Variants in DSTN observed in about 807,000 individuals in gnomAD.
DSTN encodes destrin.
In DSTN, 10 loss-of-function variants were observed where a neutral mutation model predicts 16.8. The ratio of observed to expected loss-of-function variants is 0.60; its 90% CI spans 0.37 to 1.01. The LOEUF is 1.01. DSTN is among the 50% of genes least tolerant of loss of function. The pLI is 0.01. For synonymous variants in DSTN, 57 were observed against 58.9 expected, an observed-to-expected ratio of 0.97 and a Z score of 0.14; for missense variants, 141 against 196.7, an observed-to-expected ratio of 0.72 and a Z score of 1.69.
intron 1 of DSTN, 65 bp from the exon 2 acceptor site, chr20:17,600,673 T>A (rs1356375431): frequency 8.9e-6 from 13 of 1,455,624 alleles, no homozygotes; most frequent in Non-Finnish European, 1.2e-5. Context: ...TAAGCAGAAT[T>A]TATTATTTTA....
intron 2 of DSTN, among the ~76,000 whole-genome samples, chr20:17,604,339 T>TC (rs976619526): frequency 2.0e-5 from 3 of 152,338 alleles, no homozygotes; most frequent in Middle Eastern, 3.4e-3. Context: ...TCTTCTTTTT[T>TC]CCCACCCTGG....
intron 1 of DSTN, among the ~76,000 whole-genome samples, chr20:17,590,578 C>G (rs1409584967): frequency 6.6e-6 from 1 of 152,182 alleles, no homozygotes; most frequent in Non-Finnish European, 1.5e-5. Context: ...TCACAAAGCT[C>G]TTGTTATGAT....
intron 1 of DSTN, among the ~76,000 whole-genome samples, chr20:17,589,429 T>C (rs2035446983): frequency 6.6e-6 from 1 of 152,248 alleles, no homozygotes; most frequent in Non-Finnish European, 1.5e-5. Flanking sequence ...CAGGCTGCTC[T>C]GCTGACCTCA....
At chr20:17,588,937 A>G (rs1044102625) in intron 1 of DSTN, among the ~76,000 whole-genome samples, 2 of 152,108 alleles carry the variant, frequency 1.3e-5, no homozygotes, top group Admixed American at 1.3e-4. Flanking sequence ...GGTCACCTGT[A>G]TCCTCTGACT....
At chr20:17,603,020 AAAAAAAT>A (rs1203712702) in intron 2 of DSTN, among the ~76,000 whole-genome samples, 2 of 152,170 alleles carry the variant, frequency 1.3e-5, no homozygotes, top group South Asian at 2.1e-4. Flanking sequence ...ACTCCGCCTC[AAAAAAAT>A]AAAAAATAAA....
intron 1 of DSTN, among the ~76,000 whole-genome samples, chr20:17,571,513 G>T (rs2035206935): frequency 6.6e-6 from 1 of 152,192 alleles, no homozygotes; most frequent in Non-Finnish European, 1.5e-5. Context: ...AAGCTACAAA[G>T]TATCAGCATC....
intron 1 of DSTN, among the ~76,000 whole-genome samples, chr20:17,571,379 G>A (rs1466209140): frequency 6.6e-6 from 1 of 152,186 alleles, no homozygotes; most frequent in Non-Finnish European, 1.5e-5. Context: ...CAACTTCCGT[G>A]AACATGCAGG....
At chr20:17,590,904 C>T (rs1005310197) in intron 1 of DSTN, among the ~76,000 whole-genome samples, 3 of 152,064 alleles carry the variant, frequency 2.0e-5, no homozygotes, top group Non-Finnish European at 2.9e-5. Flanking sequence ...GCCAGGAGTT[C>T]GAGACCAGCC....
intron 1 of DSTN, among the ~76,000 whole-genome samples, chr20:17,588,808 C>T (rs1243780600): frequency 6.6e-6 from 1 of 152,096 alleles, no homozygotes; most frequent in Non-Finnish European, 1.5e-5. Context: ...TTTGTATCAT[C>T]ACAGAAAGTT....
rs2035580362 is a variant in DSTN, at chr20:17,600,932, T to C, written c.198T>C (p.Asp66=). ...LVGDVGVTIT[D]PFKHFVGMLP... ...GAGATGTTGGTGTAACCATAACTGATCCTTTCAAGCATTTTGTGGGAATGC... is the reference window on the plus strand; with the variant it reads ...GAGATGTTGGTGTAACCATAACTGACCCTTTCAAGCATTTTGTGGGAATGC... Residue 66 remains aspartate, a synonymous_variant, in exon 2 of 4, where the codon GAT becomes GAC. Coordinates refer to ENST00000246069, the MANE Select transcript of DSTN (RefSeq NM_006870.4). 3 of 1,613,954 alleles carry C rather than the reference T, an allele frequency of 1.9e-6. No homozygotes were observed. In the South Asian group the frequency reaches 3.3e-5, roughly 18 times the overall value.
chr20:17,570,180 C>T lies in DSTN; in HGVS notation c.-29C>T, dbSNP rs556834784. On this transcript the variant is annotated 5_prime_UTR_variant, in exon 1 of 4. Transcript: ENST00000246069. ...TACTCGCTGCCCGCCGGCTCCCTCC[C>T]CCGCGTCCCTGCGACCGCCGCGGCG... is the stretch of plus-strand genomic sequence containing the variant. 3.9e-5 allele frequency: 59 copies of T among 1,519,562 alleles called. No individual in the cohort carries two copies. The African/African-American group carries it at 7.7e-4, about 20-fold the overall frequency. The allele number at this position is 1,519,562 out of a possible 1,614,324, so 94.1% of individuals were successfully genotyped here.
intron 1 of DSTN, among the ~76,000 whole-genome samples, chr20:17,594,108 A>C (rs1324860894): frequency 1.3e-5 from 2 of 151,668 alleles, no homozygotes; most frequent in African/African-American, 4.8e-5. Flanking sequence ...TAAATAAATA[A>C]ATAAATAAAT....
At chr20:17,605,054 C>G (rs965118059) in intron 3 of DSTN, 8 of 456,488 alleles carry the variant, frequency 1.8e-5, no homozygotes, top group African/African-American at 1.4e-4. Flanking sequence ...GCTCTTTTCT[C>G]CAGCTTTACT....
intron 3 of DSTN, among the ~76,000 whole-genome samples, chr20:17,606,362 G>A (rs2035642842): frequency 6.6e-6 from 1 of 152,176 alleles, no homozygotes; most frequent in South Asian, 2.1e-4. Context: ...TTCTAAGAAA[G>A]CAATCAGTAA....
chr20:17,601,686 AC>A (rs2053466039), intron 2 of DSTN, among the ~76,000 whole-genome samples: 1 of 151,910 alleles, frequency 6.6e-6, no homozygotes. Flanking sequence ...ATTGCAGAAA[AC>A]TCTGTTGGGC....
At chr20:17,606,536 ACCTG>A (rs773791546) in intron 3 of DSTN, among the ~76,000 whole-genome samples, 1 of 152,230 alleles carries the variant, frequency 6.6e-6, no homozygotes, top group African/African-American at 2.4e-5. Flanking sequence ...TTCTTACTAG[ACCTG>A]CCTTTTAGCT....
intron 1 of DSTN, chr20:17,599,572 A>C (rs564319966): frequency 4.0e-4 from 61 of 152,352 alleles, no homozygotes; most frequent in African/African-American, 1.5e-3. Flanking sequence ...CAAATGACAG[A>C]GATATTGGTC....
At chr20:17,587,462 T>G (rs1283869250) in intron 1 of DSTN, among the ~76,000 whole-genome samples, 4 of 152,128 alleles carry the variant, frequency 2.6e-5, no homozygotes, top group African/African-American at 9.7e-5. Flanking sequence ...TTTATGATGA[T>G]CCTTCATTTT....
At chr20:17,583,234 G>A (rs1300257766) in intron 1 of DSTN, among the ~76,000 whole-genome samples, 1 of 152,216 alleles carries the variant, frequency 6.6e-6, no homozygotes, top group Non-Finnish European at 1.5e-5. Flanking sequence ...CCCATACATT[G>A]CTGGTGAGAA....
Sources: allele counts gnomAD v4.1 joint callset (sites outside exome capture counted in the v4.1 genomes callset), GRCh38; gene constraint gnomAD v4.1.1; transcripts MANE v1.5; gene names NCBI Gene and HGNC (gene_info 2026-07-23, HGNC 2026-07-21).